CACUL1: variants seen among roughly 807,000 people sequenced by gnomAD.
The protein encoded by CACUL1 is CDK2-associated and cullin domain-containing protein 1.
Under a neutral mutation model 45.2 loss-of-function variants are expected in CACUL1, and 13 were observed. That is an observed-to-expected ratio of 0.29 (90% CI 0.19 to 0.46). The LOEUF is 0.46. CACUL1 is among the 20% of genes least tolerant of loss of function. The pLI is 1.00. For synonymous variants in CACUL1, 197 were observed against 174.2 expected (o/e 1.13, Z -1.03); for missense variants, 421 against 471.4 (o/e 0.89, Z 0.99).
intron 5 of CACUL1, 132 bp downstream of exon 5, chr10:118,701,174 A>G (rs1845376019): frequency 2.1e-6 from 1 of 486,826 alleles, no homozygotes; most frequent in Admixed American, 3.6e-5. Context: ...GGTGGGCTTC[A>G]ACACTTCCTG....
chr10:118,753,930 A>G (rs1036105363), intron 1 of CACUL1, among the ~76,000 whole-genome samples: 1 of 152,244 alleles, frequency 6.6e-6, no homozygotes, highest in Non-Finnish European at 1.5e-5. Context: ...TGTTTAACAC[A>G]GCCTGGCCAA....
intron 3 of CACUL1, among the ~76,000 whole-genome samples, chr10:118,713,170 G>A (rs978446769): frequency 4.6e-5 from 7 of 152,246 alleles, no homozygotes; most frequent in South Asian, 2.1e-4. Context: ...TGCCCTCAGC[G>A]TGTGCACAGC....
intron 3 of CACUL1, among the ~76,000 whole-genome samples, chr10:118,724,199 C>T (rs1296690457): frequency 2.6e-5 from 4 of 152,316 alleles, no homozygotes; most frequent in African/African-American, 9.6e-5. Flanking sequence ...ATTTATTACC[C>T]AACCCCCACA....
chr10:118,717,761 C>T (rs1388516728), intron 3 of CACUL1, among the ~76,000 whole-genome samples: 5 of 152,108 alleles, frequency 3.3e-5, no homozygotes, highest in Admixed American at 6.5e-5. Flanking sequence ...AACACAAGGG[C>T]AGTCAGCACC....
At chr10:118,743,071 T>C (rs185674518) in intron 1 of CACUL1, among the ~76,000 whole-genome samples, 4 of 152,258 alleles carry the variant, frequency 2.6e-5, no homozygotes, top group Admixed American at 1.3e-4. Context: ...TTAAAAACAG[T>C]TGGAACTCTC....
intron 3 of CACUL1, among the ~76,000 whole-genome samples, chr10:118,728,015 T>C (rs954687924): frequency 2.6e-5 from 4 of 152,226 alleles, no homozygotes; most frequent in African/African-American, 9.6e-5. Flanking sequence ...AAAGATTTTA[T>C]AGTTAGCGGC....
rs1456172276 is a variant in CACUL1 at position 118,682,429 on chromosome 10, C to T, written c.*3699G>A. 6.6e-6 allele frequency: 1 copy of T among 152,354 alleles called. No homozygotes were observed. Among genetic ancestry groups the T allele is most frequent in the Non-Finnish European group, 1.5e-5 (1 of 68,022 alleles). 9.4% of individuals were successfully genotyped at this position (152,354 alleles called of 1,614,324 possible). On this transcript the variant is annotated 3_prime_UTR_variant, in exon 9 of 9. Transcript: ENST00000369151. ...AAGTAGAAGAAAATAAAGCCAGCCT[C>T]AATAATAAAAAGGCAAAATCTGGAG...
At chr10:118,735,688 C>G (rs1845734064) in intron 1 of CACUL1, among the ~76,000 whole-genome samples, 1 of 152,078 alleles carries the variant, frequency 6.6e-6, no homozygotes, top group Non-Finnish European at 1.5e-5. Context: ...ATATATCAAA[C>G]AAAATGTTAA....
chr10:118,715,426 T>C (rs77148841), intron 3 of CACUL1, among the ~76,000 whole-genome samples: 6,890 of 152,304 alleles, frequency 0.045, 204 homozygotes, highest in Non-Finnish European at 0.063. Flanking sequence ...TAAATAATTT[T>C]ACTAGTCAAG....
intron 3 of CACUL1, among the ~76,000 whole-genome samples, chr10:118,714,612 T>A (rs1230897179): frequency 6.6e-6 from 1 of 152,210 alleles, no homozygotes; most frequent in East Asian, 1.9e-4. Flanking sequence ...TTGTCAGTCT[T>A]TTTTTCAAGT....
Position 118,677,788 on chromosome 10 carries a change from A to T in CACUL1, c.*8340T>A, listed in dbSNP as rs1845112411. On this transcript the variant is annotated 3_prime_UTR_variant, in exon 9 of 9. Coordinates refer to ENST00000369151, the MANE Select transcript of CACUL1 (RefSeq NM_153810.5). The stretch of plus-strand genomic sequence containing the variant: ...TTTGGCTCCCTCCTTCATTCCTTTT[A>T]ATTATTACACATAATGCTGTTATAA... The T allele has an allele frequency of 6.6e-6, 1 of 152,166 alleles. No homozygotes were observed. Among genetic ancestry groups the T allele is most frequent in the African/African-American group, 2.4e-5 (1 of 41,440 alleles). 9.4% of individuals were successfully genotyped at this position (152,166 alleles called of 1,614,324 possible). A position where few individuals can be genotyped will look rare whatever the true frequency, so the allele number is the denominator to read the frequency against.
intron 3 of CACUL1, among the ~76,000 whole-genome samples, chr10:118,714,441 TCA>T (rs1390797334): frequency 6.6e-6 from 1 of 152,238 alleles, no homozygotes; most frequent in African/African-American, 2.4e-5. Context: ...GCTATCAAGG[TCA>T]CAGTGGTAGA....
intron 5 of CACUL1, among the ~76,000 whole-genome samples, chr10:118,698,275 C>G (rs1412016363): frequency 6.6e-6 from 1 of 151,858 alleles, no homozygotes; most frequent in Non-Finnish European, 1.5e-5. Context: ...TCCCAAGTAG[C>G]TGGGATTACA....
chr10:118,709,741 C>T (rs530028750), intron 3 of CACUL1, among the ~76,000 whole-genome samples: 1 of 152,220 alleles, frequency 6.6e-6, no homozygotes, highest in Non-Finnish European at 1.5e-5. Flanking sequence ...CATAAATGTC[C>T]AAATATTTTG....
intron 4 of CACUL1, among the ~76,000 whole-genome samples, chr10:118,705,522 A>G (rs1845424835): frequency 6.6e-6 from 1 of 152,200 alleles, no homozygotes; most frequent in Non-Finnish European, 1.5e-5. Flanking sequence ...AAACTTCAGA[A>G]GTACTTAGAA....
intron 3 of CACUL1, among the ~76,000 whole-genome samples, chr10:118,728,354 G>A (rs368114434): frequency 5.5e-5 from 8 of 144,580 alleles, no homozygotes; most frequent in Middle Eastern, 3.5e-3. Flanking sequence ...TTGCTCTGTC[G>A]CCAGGCTGGA....
chr10:118,710,084 T>C (rs72641391), intron 3 of CACUL1, among the ~76,000 whole-genome samples: 26,293 of 150,024 alleles, frequency 0.18, 2,918 homozygotes, highest in African/African-American at 0.29. Flanking sequence ...GCCTAATTTG[T>C]TTGGGATTTT....
chr10:118,740,661 T>C (rs1473362500), intron 1 of CACUL1, among the ~76,000 whole-genome samples: 2 of 151,336 alleles, frequency 1.3e-5, no homozygotes, highest in Non-Finnish European at 2.9e-5. Flanking sequence ...GCACGGCAGC[T>C]CACGCCTGTA....
intron 1 of CACUL1, among the ~76,000 whole-genome samples, chr10:118,739,636 C>T (rs1438356275): frequency 1.3e-5 from 2 of 152,170 alleles, no homozygotes; most frequent in Admixed American, 1.3e-4. Context: ...GCTCTATATA[C>T]ATACTCAGAA....
Sources: allele counts gnomAD v4.1 joint callset (sites outside exome capture counted in the v4.1 genomes callset), GRCh38; gene constraint gnomAD v4.1.1; transcripts MANE v1.5; gene names NCBI Gene and HGNC (gene_info 2026-07-23, HGNC 2026-07-21).